Variants in NAA16 observed in about 807,000 individuals in gnomAD.
The protein encoded by NAA16 is NARG1-like protein.
Under a neutral mutation model 110.3 loss-of-function variants are expected in NAA16, and 97 were observed. The observed-to-expected ratio is 0.88, with a 90% CI of 0.75 to 1.04. The LOEUF is 1.04. Among genes scored for constraint, NAA16 ranks in the 50% least tolerant of loss-of-function variants. The pLI, the probability that NAA16 is intolerant of heterozygous loss-of-function variation, is 0.00. For missense variants in NAA16, 1,017 were observed against 1,005.1 expected (o/e 1.01, Z -0.16); for synonymous variants, 372 against 330.6 (o/e 1.13, Z -1.36).
At chr13:41,349,051 A>G (rs1037193189) in intron 9 of NAA16, among the ~76,000 whole-genome samples, 6 of 151,930 alleles carry the variant, frequency 3.9e-5, no homozygotes, top group East Asian at 3.9e-4. Context: ...AGGTTTGCCA[A>G]TTTTCTTGAT....
At chr13:41,325,552 G>T in intron 5 of NAA16, 146 bp from the exon 6 acceptor site, 1 of 406,838 alleles carries the variant, frequency 2.5e-6, no homozygotes, top group African/African-American at 2.1e-5. Context: ...CATTTTTTGT[G>T]TTATTAATCA....
chr13:41,374,743 T>C lies in NAA16; in HGVS notation c.2301T>C (p.Gly767=). ...NATSLQHLLS[G]AKMMYFLDKS... is the part of the protein sequence containing the mutation. ...TTTTGAAATGCCTTGGTATTTCAGG[T>C]GCTAAAATGATGTATTTTCTGGACA... is the stretch of plus-strand genomic sequence containing the variant. The change falls in exon 19 of 20, where the codon GGT becomes GGC. Residue 767 remains glycine, a splice_region_variant and synonymous_variant. Coordinates refer to ENST00000379406, the MANE Select transcript of NAA16 (RefSeq NM_024561.5). The C allele has an allele frequency of 6.2e-7, 1 of 1,602,746 alleles. No individual in the cohort carries two copies.
At chr13:41,362,574 C>T (rs1290381361) in intron 13 of NAA16, 1 of 530,208 alleles carries the variant, frequency 1.9e-6, no homozygotes. Flanking sequence ...AGGATATTTG[C>T]TCTCACATTC....
chr13:41,369,025 T>C, intron 14 of NAA16, 65 bp from the exon 15 acceptor site: 1 of 1,392,126 alleles, frequency 7.2e-7, no homozygotes, highest in Non-Finnish European at 9.7e-7. Flanking sequence ...ACAGTATGTA[T>C]TACAGAAGAA....
At chr13:41,347,234 C>CAA (rs1566276607) in intron 9 of NAA16, among the ~76,000 whole-genome samples, 15 of 29,192 alleles carry the variant, frequency 5.1e-4, no homozygotes, top group Non-Finnish European at 2.1e-3. Flanking sequence ...AAAACAAAAA[C>CAA]AAAAACAAAA....
chr13:41,318,422 G>A (rs1294178394), intron 2 of NAA16, among the ~76,000 whole-genome samples: 2 of 151,964 alleles, frequency 1.3e-5, no homozygotes, highest in African/African-American at 2.4e-5. Context: ...GGCTGGTCTC[G>A]AACTCTTGAC....
intron 12 of NAA16, 110 bp from the exon 13 acceptor site, chr13:41,361,921 A>C (rs2043119698): frequency 1.7e-6 from 2 of 1,162,176 alleles, no homozygotes; most frequent in African/African-American, 3.2e-5. Flanking sequence ...TATATTTGCT[A>C]ATTGCTGCTA....
At chr13:41,337,435 C>T (rs1054793074) in intron 9 of NAA16, among the ~76,000 whole-genome samples, 26 of 150,584 alleles carry the variant, frequency 1.7e-4, no homozygotes, top group African/African-American at 4.7e-4. Context: ...CCCAGCTACC[C>T]GGAAGCTTGA....
rs115507964 is a variant in NAA16, at chr13:41,317,939, G to A, written c.140-867G>A. Among the ~76,000 whole-genome samples, 512 of 152,242 alleles carry A rather than the reference G, an allele frequency of 3.4e-3. 4 individuals carry two copies. The highest frequency in any genetic ancestry group is 0.012 in the African/African-American group (489 of 41,546). On this transcript the variant is annotated intron_variant, in intron 2 of 19. Coordinates refer to ENST00000379406, the MANE Select transcript of NAA16 (RefSeq NM_024561.5). ...TTTTTGTTGCCACTACCATCATCCA[G>A]TGTTGTGCTGTTGAAATGTGAACTG...
At chr13:41,312,324 C>A (rs1031772028) in intron 1 of NAA16, among the ~76,000 whole-genome samples, 1 of 152,144 alleles carries the variant, frequency 6.6e-6, no homozygotes. Context: ...AGCATTTTTA[C>A]TTTATCGCGG....
At chr13:41,337,596 A>G (rs769475155) in intron 9 of NAA16, among the ~76,000 whole-genome samples, 8 of 151,974 alleles carry the variant, frequency 5.3e-5, no homozygotes, top group Admixed American at 2.0e-4. Flanking sequence ...GTCTTAAATT[A>G]GAAAGATAAT....
At chr13:41,344,793 A>G (rs539707595) in intron 9 of NAA16, among the ~76,000 whole-genome samples, 3 of 152,296 alleles carry the variant, frequency 2.0e-5, no homozygotes, top group East Asian at 1.9e-4. Context: ...ATACAGTTCA[A>G]TGTATATTCA....
intron 16 of NAA16, 48 bp from the exon 17 acceptor site, chr13:41,372,684 T>C (rs1164306489): frequency 6.7e-7 from 1 of 1,483,818 alleles, no homozygotes; most frequent in Non-Finnish European, 9.0e-7. Context: ...GTGAGGAAAA[T>C]ACTGTGTAAG....
At chr13:41,351,712 T>C (rs1397313930) in intron 9 of NAA16, among the ~76,000 whole-genome samples, 1 of 152,196 alleles carries the variant, frequency 6.6e-6, no homozygotes, top group Non-Finnish European at 1.5e-5. Flanking sequence ...ATGTAGCTGT[T>C]AGAAGAAAGT....
chr13:41,325,236 T>C (rs562953045), intron 5 of NAA16, among the ~76,000 whole-genome samples: 1 of 152,172 alleles, frequency 6.6e-6, no homozygotes, highest in South Asian at 2.1e-4. Flanking sequence ...GTTACAGATG[T>C]GCGCCACCGT....
chr13:41,369,905 C>T (rs2043283206), intron 15 of NAA16, among the ~76,000 whole-genome samples: 1 of 152,150 alleles, frequency 6.6e-6, no homozygotes, highest in African/African-American at 2.4e-5. Context: ...CCTATAAGAA[C>T]TATAACATAA....
chr13:41,312,548 T>A (rs2041653267), intron 1 of NAA16, among the ~76,000 whole-genome samples: 1 of 152,176 alleles, frequency 6.6e-6, no homozygotes, highest in Non-Finnish European at 1.5e-5. Flanking sequence ...CTAGTTTATC[T>A]TTTCACCTGA....
rs914454562 is a variant in NAA16 at position 41,348,174 on chromosome 13, A to T, written c.1015-6970A>T. 1.3e-4 allele frequency among the ~76,000 whole-genome samples: 19 copies of T among 148,804 alleles called. No homozygotes were observed. The East Asian group carries it at 1.4e-3, about 11-fold the overall frequency. On this transcript the variant is annotated intron_variant, in intron 9 of 19. Coordinates refer to ENST00000379406, the MANE Select transcript of NAA16 (RefSeq NM_024561.5). The stretch of plus-strand genomic sequence containing the variant: ...GATTTCAGATGTTAAACCAATTTTT[A>T]TTTTTTTTTTCAAGATGCAATCTCA...
chr13:41,364,102 TATA>T (rs1446176694), intron 13 of NAA16, among the ~76,000 whole-genome samples: 1 of 152,112 alleles, frequency 6.6e-6, no homozygotes, highest in Non-Finnish European at 1.5e-5. Flanking sequence ...TCAGATTTAT[TATA>T]ATAGGTATCT....
Sources: gnomAD v4.1 joint callset for allele counts (sites outside exome capture counted in the v4.1 genomes callset) on GRCh38, gnomAD v4.1.1 for gene constraint, MANE v1.5 for transcripts, NCBI Gene and HGNC (gene_info 2026-07-23, HGNC 2026-07-21) for gene names.